AKR1C8: variants seen among roughly 807,000 people sequenced by gnomAD.
AKR1C8 encodes the protein aldo-keto reductase family 1 member C8.
chr10:5,180,545 C>G, the AKR1C8 span, among the ~76,000 whole-genome samples: 1 of 152,200 alleles, frequency 6.6e-6, no homozygotes, highest in South Asian at 2.1e-4. Flanking sequence ...GAGGTTACTG[C>G]TGTCTTTTTG....
the AKR1C8 span, among the ~76,000 whole-genome samples, chr10:5,127,872 G>C: frequency 2.0e-5 from 3 of 151,928 alleles, no homozygotes; most frequent in African/African-American, 4.8e-5. Context: ...GAGAATAATT[G>C]AGAAAAACTT....
chr10:5,139,764 C>T, the AKR1C8 span, among the ~76,000 whole-genome samples: 2 of 151,930 alleles, frequency 1.3e-5, no homozygotes, highest in Non-Finnish European at 2.9e-5. Context: ...GACTAAAACA[C>T]CAAAAACAAT....
At chr10:5,122,113 C>G in the AKR1C8 span, 1 of 374,192 alleles carries the variant, frequency 2.7e-6, no homozygotes, top group Admixed American at 3.3e-5. Context: ...CGGAGATTTC[C>G]GTTGAGGCTG....
At chr10:5,172,775 A>C in the AKR1C8 span, among the ~76,000 whole-genome samples, 2 of 152,146 alleles carry the variant, frequency 1.3e-5, no homozygotes, top group African/African-American at 4.8e-5. Flanking sequence ...TTTTTCTTAA[A>C]AATATTTAAG....
chr10:5,171,434 C>T, the AKR1C8 span, among the ~76,000 whole-genome samples: 1 of 152,004 alleles, frequency 6.6e-6, no homozygotes, highest in African/African-American at 2.4e-5. Context: ...CTTTGGGACA[C>T]ATACAATAAT....
the AKR1C8 span, chr10:5,158,610 C>T: frequency 2.1e-6 from 1 of 477,228 alleles, no homozygotes; most frequent in South Asian, 1.5e-5. Context: ...CACTGTGGGT[C>T]TCTTTGGGAT....
the AKR1C8 span, among the ~76,000 whole-genome samples, chr10:5,164,533 C>A: frequency 6.6e-6 from 1 of 151,918 alleles, no homozygotes; most frequent in Admixed American, 6.6e-5. Context: ...AGGAGCCAAC[C>A]GTCAAACTCT....
At chr10:5,132,984 T>G in the AKR1C8 span, among the ~76,000 whole-genome samples, 23 of 152,294 alleles carry the variant, frequency 1.5e-4, 1 homozygote, top group East Asian at 4.4e-3. Context: ...TAATTCCTGG[T>G]TGATCACTAG....
the AKR1C8 span, among the ~76,000 whole-genome samples, chr10:5,131,727 T>C: frequency 1.3e-5 from 2 of 151,826 alleles, no homozygotes; most frequent in South Asian, 2.1e-4. Flanking sequence ...AAGAGAACAC[T>C]TTTACATTGC....
the AKR1C8 span, among the ~76,000 whole-genome samples, chr10:5,172,836 A>T: frequency 6.6e-6 from 1 of 152,114 alleles, no homozygotes; most frequent in African/African-American, 2.4e-5. Flanking sequence ...TAGACATTGC[A>T]CACATAACAC....
At chr10:5,169,813 G>C in the AKR1C8 span, among the ~76,000 whole-genome samples, 6 of 152,110 alleles carry the variant, frequency 3.9e-5, no homozygotes, top group East Asian at 3.9e-4. Flanking sequence ...AGGAGAGGTA[G>C]AAAAAATAAA....
chr10:5,119,596 A>G, the AKR1C8 span, among the ~76,000 whole-genome samples: 93 of 152,296 alleles, frequency 6.1e-4, 1 homozygote, highest in South Asian at 0.019. Flanking sequence ...TAGAAAAACA[A>G]ACATCCTCAT....
At chr10:5,125,719 C>T in the AKR1C8 span, among the ~76,000 whole-genome samples, 7 of 152,334 alleles carry the variant, frequency 4.6e-5, no homozygotes, top group African/African-American at 1.2e-4. Flanking sequence ...CACAAAATGG[C>T]TATCTGTAAC....
chr10:5,148,945 A>T, the AKR1C8 span, among the ~76,000 whole-genome samples: 2 of 152,108 alleles, frequency 1.3e-5, no homozygotes, highest in Non-Finnish European at 2.9e-5. Flanking sequence ...AAAGAAAGAA[A>T]AAATAGAAAA....
the AKR1C8 span, among the ~76,000 whole-genome samples, chr10:5,147,576 G>A: frequency 6.6e-6 from 1 of 152,050 alleles, no homozygotes; most frequent in African/African-American, 2.4e-5. Flanking sequence ...GGAGAAACAG[G>A]ACCTGTGGAA....
the AKR1C8 span, among the ~76,000 whole-genome samples, chr10:5,169,773 A>T: frequency 6.6e-6 from 1 of 152,096 alleles, no homozygotes; most frequent in Non-Finnish European, 1.5e-5. Flanking sequence ...AATAATTTCC[A>T]TTAAAAAAAG....
the AKR1C8 span, among the ~76,000 whole-genome samples, chr10:5,130,455 G>C: frequency 6.6e-6 from 1 of 151,838 alleles, no homozygotes. Context: ...GTAAGAAAGG[G>C]CATTGAAATT....
the AKR1C8 span, among the ~76,000 whole-genome samples, chr10:5,152,832 C>T: frequency 6.6e-6 from 1 of 152,086 alleles, no homozygotes; most frequent in East Asian, 1.9e-4. Context: ...GGAAAATTTT[C>T]TCTTAGCCCC....
chr10:5,117,402 A>T, the AKR1C8 span, among the ~76,000 whole-genome samples: 3 of 152,094 alleles, frequency 2.0e-5, no homozygotes, highest in African/African-American at 7.2e-5. Flanking sequence ...TCAATCGAGG[A>T]TTTCTGAAGC....
Sources: allele counts gnomAD v4.1 joint callset (sites outside exome capture counted in the v4.1 genomes callset), GRCh38; gene constraint gnomAD v4.1.1; transcripts MANE v1.5; gene names NCBI Gene and HGNC (gene_info 2026-07-23, HGNC 2026-07-21).